Variants in CACNA1C observed in about 807,000 individuals in gnomAD.
The protein encoded by CACNA1C is calcium voltage-gated channel subunit alpha1 C, also known as voltage-dependent L-type calcium channel subunit alpha-1C.
Under a neutral mutation model 229.0 loss-of-function variants are expected in CACNA1C, and 30 were observed. The ratio of observed to expected loss-of-function variants is 0.13; its 90% CI spans 0.10 to 0.18. The LOEUF (loss-of-function observed/expected upper bound fraction) is 0.18. Ranked by LOEUF, CACNA1C falls within the 10% of genes least tolerant of loss-of-function variation. The pLI is 1.00. For synonymous variants in CACNA1C, 1,114 were observed against 1,132.5 expected (o/e 0.98, Z 0.33); for missense variants, 1,658 against 2,845.0 (o/e 0.58, Z 9.49).
intron 1 of CACNA1C, among the ~76,000 whole-genome samples, chr12:2,042,698 C>T (rs528320757): frequency 1.3e-5 from 2 of 152,264 alleles, no homozygotes; most frequent in African/African-American, 4.8e-5. Flanking sequence ...CTTTGAGAGA[C>T]AGGAGAAGCG....
At chr12:2,589,586 G>A (rs765029205) in intron 18 of CACNA1C, among the ~76,000 whole-genome samples, 5 of 152,248 alleles carry the variant, frequency 3.3e-5, no homozygotes, top group Admixed American at 6.5e-5. Flanking sequence ...AGGGCAGAAG[G>A]CGCAGGGCCA....
At chr12:2,124,701 T>G (rs2089208801) in intron 3 of CACNA1C, among the ~76,000 whole-genome samples, 1 of 152,134 alleles carries the variant, frequency 6.6e-6, no homozygotes, top group African/African-American at 2.4e-5. Context: ...CAAGCTTGCC[T>G]GGACGGGTAA....
intron 13 of CACNA1C, among the ~76,000 whole-genome samples, chr12:2,577,014 A>T (rs1046654437): frequency 9.2e-5 from 14 of 152,200 alleles, no homozygotes; most frequent in African/African-American, 2.9e-4. Flanking sequence ...TCTGCTCAGC[A>T]AGCTGAGCAC....
At chr12:2,374,044 A>G (rs1404813689) in intron 3 of CACNA1C, among the ~76,000 whole-genome samples, 1 of 152,226 alleles carries the variant, frequency 6.6e-6, no homozygotes, top group Non-Finnish European at 1.5e-5. Flanking sequence ...GACCTGGCCC[A>G]CATCACAACT....
intron 1 of CACNA1C, among the ~76,000 whole-genome samples, chr12:2,103,243 T>G (rs936967325): frequency 3.9e-5 from 6 of 152,194 alleles, no homozygotes; most frequent in African/African-American, 4.8e-5. Context: ...CTTTCCAGCA[T>G]CTGTTGTTTC....
chr12:2,336,277 G>T (rs549495778), intron 3 of CACNA1C, among the ~76,000 whole-genome samples: 1 of 152,306 alleles, frequency 6.6e-6, no homozygotes, highest in Admixed American at 6.5e-5. Context: ...CATCTACTTT[G>T]CCGATTTCCA....
At chr12:2,452,354 C>A (rs2099386602) in intron 4 of CACNA1C, among the ~76,000 whole-genome samples, 1 of 152,150 alleles carries the variant, frequency 6.6e-6, no homozygotes, top group African/African-American at 2.4e-5. Context: ...CCGTGGAATC[C>A]TCAGTGGATC....
intron 9 of CACNA1C, among the ~76,000 whole-genome samples, chr12:2,534,023 A>T (rs1370243313): frequency 6.6e-6 from 1 of 152,200 alleles, no homozygotes; most frequent in Non-Finnish European, 1.5e-5. Flanking sequence ...CCATTCTGGG[A>T]TGCCACGTAG....
At chr12:2,593,831 A>AT (rs1221978634) in intron 19 of CACNA1C, among the ~76,000 whole-genome samples, 2 of 152,048 alleles carry the variant, frequency 1.3e-5, no homozygotes, top group Non-Finnish European at 2.9e-5. Flanking sequence ...TTTGTTCACC[A>AT]TTTTTTTACT....
At chr12:2,128,646 C>T (rs1438603217) in intron 3 of CACNA1C, among the ~76,000 whole-genome samples, 2 of 152,030 alleles carry the variant, frequency 1.3e-5, no homozygotes, top group African/African-American at 4.8e-5. Flanking sequence ...CTCCTGACCT[C>T]GTGATCTGCC....
At chr12:2,344,907 A>G (rs1221543219) in intron 3 of CACNA1C, among the ~76,000 whole-genome samples, 1 of 151,802 alleles carries the variant, frequency 6.6e-6, no homozygotes, top group Non-Finnish European at 1.5e-5. Context: ...TTTAAGAAAT[A>G]TTTACTTTCT....
At chr12:1,992,646 CG>C (rs1350466114) in intron 1 of CACNA1C, 2 of 159,564 alleles carry the variant, frequency 1.3e-5, no homozygotes, top group African/African-American at 4.8e-5. Context: ...AGAAACGATA[CG>C]AGAGTAAAAT....
chr12:1,977,433 G>A (rs1273266217), intron 1 of CACNA1C, among the ~76,000 whole-genome samples: 2 of 152,178 alleles, frequency 1.3e-5, no homozygotes, highest in African/African-American at 4.8e-5. Context: ...TATCTTCAAA[G>A]CTTTGTCTTA....
intron 3 of CACNA1C, among the ~76,000 whole-genome samples, chr12:2,239,262 A>C (rs1265177863): frequency 6.6e-6 from 1 of 152,156 alleles, no homozygotes; most frequent in East Asian, 1.9e-4. Context: ...GGTCCCCTCC[A>C]TCAGGGCCCA....
chr12:2,601,268 C>T lies in CACNA1C; in HGVS notation c.2854-586C>T, dbSNP rs958066713. ...ACCACTGGAACTTCTCACCAGGCACCAGGGTGACCAGCTGGCCTAGTTTGC... is the reference window on the plus strand; with the variant it reads ...ACCACTGGAACTTCTCACCAGGCACTAGGGTGACCAGCTGGCCTAGTTTGC... On this transcript the variant is annotated intron_variant, in intron 21 of 46. Coordinates refer to ENST00000399655, the MANE Select transcript of CACNA1C (RefSeq NM_000719.7). This position sits in a 1 kb window ranked among gnomAD's most constrained non-coding sequence, Gnocchi z 5.9. Among the ~76,000 whole-genome samples, 12 of 152,170 alleles carry T rather than the reference C, an allele frequency of 7.9e-5. No individual in the cohort carries two copies. Among genetic ancestry groups the T allele is most frequent in the African/African-American group, 2.9e-4 (12 of 41,426 alleles).
At chr12:1,986,229 G>A (rs1218827863) in intron 1 of CACNA1C, among the ~76,000 whole-genome samples, 1 of 152,190 alleles carries the variant, frequency 6.6e-6, no homozygotes, top group African/African-American at 2.4e-5. Context: ...CCTGGGTTCT[G>A]TTACATGTAT....
intron 5 of CACNA1C, among the ~76,000 whole-genome samples, chr12:2,465,851 G>A (rs2099547070): frequency 6.6e-6 from 1 of 152,074 alleles, no homozygotes; most frequent in Admixed American, 6.6e-5. Context: ...CTCCCACCCT[G>A]CATGACCTCC....
intron 3 of CACNA1C, among the ~76,000 whole-genome samples, chr12:2,229,692 A>G (rs6489353): frequency 0.52 from 79,343 of 151,968 alleles, 22,102 homozygotes; most frequent in African/African-American, 0.72. Context: ...TCAGCAGGGT[A>G]GACTGACATT....
chr12:2,260,328 T>C (rs1049819288), intron 3 of CACNA1C, among the ~76,000 whole-genome samples: 1 of 151,474 alleles, frequency 6.6e-6, no homozygotes, highest in African/African-American at 2.4e-5. Context: ...TAAAAATAAT[T>C]AGCTGGCCAT....
Sources: gnomAD v4.1 joint callset for allele counts (sites outside exome capture counted in the v4.1 genomes callset) on GRCh38, gnomAD v4.1.1 for gene constraint, Gnocchi (gnomAD v3.1) non-coding constraint, MANE v1.5 for transcripts, NCBI Gene and HGNC (gene_info 2026-07-23, HGNC 2026-07-21) for gene names.